Variants in SEL1L3 observed in about 807,000 individuals in gnomAD.
SEL1L3 encodes protein sel-1 homolog 3.
In SEL1L3, 76 loss-of-function variants were observed where a neutral mutation model predicts 142.8. That is an observed-to-expected ratio of 0.53 (90% CI 0.44 to 0.64). The LOEUF is 0.64. Ranked by LOEUF, SEL1L3 falls within the 30% of genes least tolerant of loss-of-function variation. The pLI, the probability that SEL1L3 is intolerant of heterozygous loss-of-function variation, is 0.00. For synonymous variants in SEL1L3, 504 were observed against 519.6 expected, an observed-to-expected ratio of 0.97 and a Z score of 0.41; for missense variants, 1,262 against 1,381.7, an observed-to-expected ratio of 0.91 and a Z score of 1.37.
chr4:25,819,837 G>A lies in SEL1L3; in HGVS notation c.1394C>T (p.Ala465Val), dbSNP rs764874040. 8.1e-6 allele frequency: 13 copies of A among 1,612,304 alleles called. No homozygotes were observed. The South Asian group carries it at 1.1e-4, about 14-fold the overall frequency. ...TTCTTGTCTCTCGCCCCCGTGCTTT[G>A]CTGCAGATGCATACACAGATACTAT... ...QEIVSVYASA[A>V]KHGGERQEAC... The change falls in exon 8 of 24, where the codon GCA (alanine) becomes GTA (valine). Residue 465 changes from alanine (A) to valine (V), a missense_variant. Transcript: ENST00000399878.
At chr4:25,809,436 C>G (rs10024001) in intron 9 of SEL1L3, among the ~76,000 whole-genome samples, 1 of 151,986 alleles carries the variant, frequency 6.6e-6, no homozygotes, top group Non-Finnish European at 1.5e-5. Context: ...TGAGCCACGG[C>G]GCCCAGCCTA....
intron 20 of SEL1L3, among the ~76,000 whole-genome samples, chr4:25,762,696 G>A (rs979323204): frequency 3.9e-5 from 6 of 152,042 alleles, no homozygotes; most frequent in African/African-American, 1.2e-4. Flanking sequence ...AAAAGTGACC[G>A]GTGGCCAGGT....
At position 25,780,290 on chromosome 4, in the gene SEL1L3, C is replaced by G. The variant is rs77613218; in HGVS notation, c.2458-1087G>C. On this transcript the variant is annotated intron_variant, in intron 15 of 23. Transcript: ENST00000399878. ...GCCCACTGCCCTCTCTCACTTGGATCCAATGCATGAACCCCCTGCTCCTGT... is the reference window on the plus strand; with the variant it reads ...GCCCACTGCCCTCTCTCACTTGGATGCAATGCATGAACCCCCTGCTCCTGT... Among the ~76,000 whole-genome samples, 1,326 of 152,236 alleles carry G rather than the reference C, an allele frequency of 8.7e-3. 20 individuals are homozygous for G. The highest frequency in any genetic ancestry group is 0.031 in the African/African-American group (1,274 of 41,534).
Position 25,814,990 on chromosome 4 carries a change from G to A in SEL1L3, c.1564+3148C>T, listed in dbSNP as rs116601038. Among the ~76,000 whole-genome samples the A allele has an allele frequency of 1.8e-3, 278 of 152,224 alleles. 1 individual carries two copies. The highest frequency in any genetic ancestry group is 6.4e-3 in the African/African-American group (265 of 41,542). ...CCTTCCAATGTGACCTAGAGAAAGA[G>A]GTGCTGAAGGCAAATGGGGCCCAGG... is the stretch of plus-strand genomic sequence containing the variant. On this transcript the variant is annotated intron_variant, in intron 9 of 23. Coordinates refer to ENST00000399878, the MANE Select transcript of SEL1L3 (RefSeq NM_015187.5).
At chr4:25,754,105 C>T (rs1717788415) in intron 23 of SEL1L3, among the ~76,000 whole-genome samples, 1 of 151,838 alleles carries the variant, frequency 6.6e-6, no homozygotes, top group African/African-American at 2.4e-5. Context: ...GAGTTCGAGA[C>T]CAGCCTGACC....
chr4:25,784,602 T>C (rs1288678371), intron 13 of SEL1L3, among the ~76,000 whole-genome samples: 1 of 152,218 alleles, frequency 6.6e-6, no homozygotes, highest in Non-Finnish European at 1.5e-5. Flanking sequence ...AGTTTGGTCA[T>C]CCTGGATGCT....
intron 5 of SEL1L3, among the ~76,000 whole-genome samples, chr4:25,831,844 GTGACA>G (rs1317145375): frequency 6.6e-6 from 1 of 152,086 alleles, no homozygotes; most frequent in African/African-American, 2.4e-5. Flanking sequence ...AGCTCGCTTT[GTGACA>G]GTCCTTTACC....
intron 16 of SEL1L3, chr4:25,777,528 T>C (rs983959070): frequency 4.1e-6 from 1 of 241,718 alleles, no homozygotes; most frequent in Non-Finnish European, 8.2e-6. Flanking sequence ...ATCCAGCAAG[T>C]TCAGAAAGTG....
chr4:25,850,786 C>T lies in SEL1L3; in HGVS notation c.163-2922G>A, dbSNP rs114562174. On this transcript the variant is annotated intron_variant, in intron 1 of 23. Coordinates refer to ENST00000399878, the MANE Select transcript of SEL1L3 (RefSeq NM_015187.5). ...CTTCACGTACAGAAAATGGAATGAT[C>T]GCAAAGGGTTTTCTGTCTGGTTTTT... Among the ~76,000 whole-genome samples the T allele has an allele frequency of 1.0e-3, 152 of 152,098 alleles. 1 individual carries two copies. The highest frequency in any genetic ancestry group is 3.2e-3 in the African/African-American group (134 of 41,480).
At chr4:25,767,370 G>C (rs1718817433) in intron 19 of SEL1L3, among the ~76,000 whole-genome samples, 155 bp downstream of exon 19, 1 of 152,174 alleles carries the variant, frequency 6.6e-6, no homozygotes, top group African/African-American at 2.4e-5. Context: ...GTGAGGCTGA[G>C]AGCAGAGTTT....
chr4:25,797,766 C>G (rs893106093), intron 11 of SEL1L3, among the ~76,000 whole-genome samples: 2 of 152,192 alleles, frequency 1.3e-5, no homozygotes, highest in Non-Finnish European at 2.9e-5. Flanking sequence ...AACTATGTGT[C>G]AGGCAGAGTG....
At chr4:25,742,405 C>T in the SEL1L3 span, among the ~76,000 whole-genome samples, 1 of 152,114 alleles carries the variant, frequency 6.6e-6, no homozygotes, top group Non-Finnish European at 1.5e-5. Flanking sequence ...TGGCTGGGCT[C>T]CACCTCCTGC....
intron 2 of SEL1L3, 45 bp downstream of exon 2, chr4:25,847,249 T>C: frequency 2.0e-6 from 3 of 1,488,540 alleles, no homozygotes; most frequent in South Asian, 1.3e-5. Flanking sequence ...ATACAGGCTA[T>C]CTGAAAAAAT....
chr4:25,744,510 C>T (rs183223993), downstream of SEL1L3, among the ~76,000 whole-genome samples: 518 of 152,036 alleles, frequency 3.4e-3, 3 homozygotes, highest in African/African-American at 0.012. Flanking sequence ...TGCACCACCA[C>T]GCCCAGCTAA....
Position 25,825,582 on chromosome 4 carries a change from T to TA in SEL1L3, c.1158-3455dup, listed in dbSNP as rs776224557. Among the ~76,000 whole-genome samples the TA allele has an allele frequency of 2.0e-5, 3 of 152,144 alleles. No individual in the cohort carries two copies. The South Asian group carries it at 6.2e-4, about 32-fold the overall frequency. On this transcript the variant is annotated intron_variant, in intron 6 of 23. Transcript: ENST00000399878. ...TTGAAGTTTCTGTGGTATGAGAACTTAGAGCTTCAAATTGGCTGCCCCCAT... is the reference window on the plus strand; with the variant it reads ...TTGAAGTTTCTGTGGTATGAGAACTTAAGAGCTTCAAATTGGCTGCCCCCAT...
At chr4:25,799,012 A>G (rs1203288992) in intron 11 of SEL1L3, among the ~76,000 whole-genome samples, 1 of 152,142 alleles carries the variant, frequency 6.6e-6, no homozygotes, top group Non-Finnish European at 1.5e-5. Flanking sequence ...CTTGGCTTGC[A>G]GATGGCTGTC....
At chr4:25,733,140 A>C in the SEL1L3 span, among the ~76,000 whole-genome samples, 1 of 152,120 alleles carries the variant, frequency 6.6e-6, no homozygotes, top group South Asian at 2.1e-4. Context: ...ATCAGCTTGG[A>C]AACTTCTACA....
the SEL1L3 span, among the ~76,000 whole-genome samples, chr4:25,717,745 G>T: frequency 1.3e-5 from 2 of 152,186 alleles, no homozygotes; most frequent in Admixed American, 6.5e-5. Flanking sequence ...TTTACTTTCA[G>T]TTCTACCATT....
In SEL1L3 at chr4:25,788,221, T is replaced by G; in HGVS notation, c.2217+3A>C. 1 of 1,613,262 alleles carries G rather than the reference T, an allele frequency of 6.2e-7. No individual in the cohort carries two copies. ...ATTTCAGCACGAATTAAGTGATTCT[T>G]ACCTTGAATAGCACAATGGCATAGT... On this transcript the variant is annotated splice_donor_region_variant and intron_variant, in intron 13 of 23. Coordinates refer to ENST00000399878, the MANE Select transcript of SEL1L3 (RefSeq NM_015187.5). The surrounding 1 kb of genome is among the most constrained non-coding windows in gnomAD (Gnocchi z 5.3).
Sources: allele counts gnomAD v4.1 joint callset (sites outside exome capture counted in the v4.1 genomes callset), GRCh38; gene constraint gnomAD v4.1.1; non-coding constraint Gnocchi (gnomAD v3.1); transcripts MANE v1.5; gene names NCBI Gene and HGNC (gene_info 2026-07-23, HGNC 2026-07-21).